Variants in POGLUT3 observed in about 807,000 individuals in gnomAD.
POGLUT3 encodes protein O-glucosyltransferase 3, also known as KDEL (Lys-Asp-Glu-Leu) containing 2.
A neutral mutation model predicts 54.3 loss-of-function variants in POGLUT3; 48 were observed. That is an observed-to-expected ratio of 0.88 (90% CI 0.70 to 1.12). POGLUT3 has a LOEUF of 1.12. POGLUT3 is among the 50% of genes most tolerant of loss of function. The pLI, the probability that POGLUT3 is intolerant of heterozygous loss-of-function variation, is 0.00. For missense variants in POGLUT3, 629 were observed against 618.7 expected (o/e 1.02, Z -0.18); for synonymous variants, 218 against 237.4 (o/e 0.92, Z 0.75).
intron 3 of POGLUT3, among the ~76,000 whole-genome samples, chr11:108,484,126 C>T (rs1475147444): frequency 6.6e-6 from 1 of 152,080 alleles, no homozygotes; most frequent in Admixed American, 6.6e-5. Context: ...GATGCTTACC[C>T]ACTAGATGAT....
intron 6 of POGLUT3, among the ~76,000 whole-genome samples, chr11:108,479,048 C>T (rs545299399): frequency 1.1e-4 from 17 of 152,288 alleles, no homozygotes; most frequent in African/African-American, 4.1e-4. Context: ...TATGTGTAAA[C>T]ATAGCATTTA....
In POGLUT3 at chr11:108,482,165, G is replaced by A. The variant is rs1343408860; in HGVS notation, c.742C>T (p.Arg248Ter). ...GGGCTAGGGGTTCCATTGACTTTTC[G>A]ATGCTCCAAGGGCCAATCTCCAAGA... Reference protein sequence around the residue: ...VNLGDWPLEHRKVNGTPSPIP... With the variant: ...VNLGDWPLEH The change falls in exon 4 of 8, where the codon CGA becomes TGA. Residue 248 changes from arginine (R) to a stop codon, truncating the protein, a stop_gained. Transcript: ENST00000323468. LOFTEE classifies it high-confidence loss of function. 5 of 1,614,082 alleles carry A rather than the reference G, an allele frequency of 3.1e-6. No individual in the cohort carries two copies. Among genetic ancestry groups the A allele is most frequent in the African/African-American group, 1.3e-5 (1 of 75,028 alleles).
Position 108,482,233 on chromosome 11 carries a change from A to G in POGLUT3, c.685-11T>C. On this transcript the variant is annotated splice_polypyrimidine_tract_variant and intron_variant, in intron 3 of 7. Coordinates refer to ENST00000323468, the MANE Select transcript of POGLUT3 (RefSeq NM_153705.5). ...ATCTGGGAGAAGGACCTAAATAAAC[A>G]TATAAACAAACATCAGTGCTGGGAA... is the stretch of plus-strand genomic sequence containing the variant. 6.3e-7 allele frequency: 1 copy of G among 1,584,744 alleles called. No homozygotes were observed. Among genetic ancestry groups the G allele is most frequent in the Non-Finnish European group, 8.7e-7 (1 of 1,154,366 alleles).
intron 3 of POGLUT3, among the ~76,000 whole-genome samples, chr11:108,485,636 T>TTTTTTTTA (rs1555183248): frequency 7.1e-5 from 10 of 140,322 alleles, no homozygotes; most frequent in African/African-American, 1.1e-4. Context: ...CTTTATTCTA[T>TTTTTTTTA]TTTATTTATT....
At chr11:108,485,947 C>A (rs377335218) in intron 3 of POGLUT3, among the ~76,000 whole-genome samples, 26 of 152,228 alleles carry the variant, frequency 1.7e-4, no homozygotes, top group African/African-American at 6.0e-4. Flanking sequence ...TATGAGCCAC[C>A]ATGCCTGGCC....
At chr11:108,479,099 T>C (rs991616624) in intron 6 of POGLUT3, among the ~76,000 whole-genome samples, 2 of 152,230 alleles carry the variant, frequency 1.3e-5, no homozygotes, top group East Asian at 3.8e-4. Context: ...TCAAATCTTC[T>C]GAAAATCTTC....
chr11:108,495,202 CA>C (rs1218712837), intron 1 of POGLUT3, among the ~76,000 whole-genome samples: 1 of 152,152 alleles, frequency 6.6e-6, no homozygotes, highest in Non-Finnish European at 1.5e-5. Flanking sequence ...TCCTCTTTTC[CA>C]ATTAGTTCTT....
chr11:108,474,860 G>A lies in POGLUT3; in HGVS notation c.1491C>T (p.Cys497=). Residue 497 remains cysteine, a synonymous_variant, in exon 8 of 8, where the codon TGC becomes TGT. Transcript: ENST00000323468. ...QPEDSTAICQ[C]HRKKPSREEL ...CTTCTCTTGAAGGCTTTTTCCTGTG[G>A]CACTGGCAGATGGCTGTGCTATCTT... 6.2e-7 allele frequency: 1 copy of A among 1,614,082 alleles called. No homozygotes were observed. The highest frequency in any genetic ancestry group is 8.5e-7 in the Non-Finnish European group (1 of 1,179,984).
At chr11:108,481,676 G>A (rs1347116184) in intron 4 of POGLUT3, among the ~76,000 whole-genome samples, 1 of 152,148 alleles carries the variant, frequency 6.6e-6, no homozygotes, top group African/African-American at 2.4e-5. Flanking sequence ...CGTGTATTCT[G>A]TTGTATAATA....
In POGLUT3 at chr11:108,479,400, T is replaced by A. The variant is rs748534397; in HGVS notation, c.1194A>T (p.Pro398=). 37 of 1,612,766 alleles carry A rather than the reference T, an allele frequency of 2.3e-5. No individual in the cohort carries two copies. The highest frequency in any genetic ancestry group is 3.1e-5 in the Non-Finnish European group (37 of 1,179,814). The change falls in exon 6 of 8, where the codon CCA becomes CCT. Residue 398 remains proline (P), a synonymous_variant. Coordinates refer to ENST00000323468, the MANE Select transcript of POGLUT3 (RefSeq NM_153705.5). ...GDSLVLKQDS[P]YYEHFYMALE... ...GTGCCATGTAGAAATGTTCATAATA[T>A]GGCGAGTCCTGCTTTAAAACCAGAC... is the stretch of plus-strand genomic sequence containing the variant.
At chr11:108,481,695 T>C (rs1001346270) in intron 4 of POGLUT3, among the ~76,000 whole-genome samples, 1 of 149,094 alleles carries the variant, frequency 6.7e-6, no homozygotes, top group Non-Finnish European at 1.5e-5. Flanking sequence ...TACTAGGAAA[T>C]ACCTGAAATA....
rs2093593546 is a variant in POGLUT3, at chr11:108,481,987, C to G, written c.901+19G>C. ...CTAAGCTTTTTCTTCATTAATTAGC[C>G]TTGCATTTCCCTGAATACCTGTATT... On this transcript the variant is annotated intron_variant, in intron 4 of 7. Transcript: ENST00000323468. 1 of 1,578,062 alleles carries G rather than the reference C, an allele frequency of 6.3e-7. No individual in the cohort carries two copies. Among genetic ancestry groups the G allele is most frequent in the South Asian group, 1.1e-5 (1 of 89,830 alleles).
At chr11:108,486,663 C>G in intron 2 of POGLUT3, 1 of 495,252 alleles carries the variant, frequency 2.0e-6, no homozygotes. Flanking sequence ...CCCAATCTAA[C>G]CTACTCTCGG....
At chr11:108,495,181 G>A (rs2093620072) in intron 1 of POGLUT3, among the ~76,000 whole-genome samples, 1 of 152,222 alleles carries the variant, frequency 6.6e-6, no homozygotes, top group Non-Finnish European at 1.5e-5. Flanking sequence ...GCTACAGCTT[G>A]AGAAGATTTT....
rs1329375821 is a variant in POGLUT3 at position 108,472,886 on chromosome 11, G to A, written c.*1941C>T. Reference sequence around the variant, plus strand: ...GGTTTTGCACAATGGATGGGTATTAGAGTTTGCCTTGGATACTTGGCATTG... The same window carrying A: ...GGTTTTGCACAATGGATGGGTATTAAAGTTTGCCTTGGATACTTGGCATTG... On this transcript the variant is annotated 3_prime_UTR_variant, in exon 8 of 8. Transcript: ENST00000323468. 2.0e-5 allele frequency: 3 copies of A among 152,138 alleles called. No individual in the cohort carries two copies. The highest frequency in any genetic ancestry group is 7.2e-5 in the African/African-American group (3 of 41,432). 9.4% of individuals were successfully genotyped at this position (152,138 alleles called of 1,614,324 possible). A position where few individuals can be genotyped will look rare whatever the true frequency, so the allele number is the denominator to read the frequency against.
At chr11:108,485,802 C>T (rs1046297839) in intron 3 of POGLUT3, among the ~76,000 whole-genome samples, 57 of 152,092 alleles carry the variant, frequency 3.7e-4, no homozygotes, top group Non-Finnish European at 1.6e-4. Flanking sequence ...TGATTACAGG[C>T]GCCCACCACC....
At chr11:108,486,696 T>A (rs768984563) in intron 2 of POGLUT3, 32 of 443,516 alleles carry the variant, frequency 7.2e-5, no homozygotes, top group Non-Finnish European at 1.2e-4. Flanking sequence ...TAAATTCATC[T>A]CTAATAAGGT....
rs1390653981 is a variant in POGLUT3, at chr11:108,486,349, T to G, written c.492A>C (p.Ala164=). 1 of 1,614,060 alleles carries G rather than the reference T, an allele frequency of 6.2e-7. No individual in the cohort carries two copies. The highest frequency in any genetic ancestry group is 8.5e-7 in the Non-Finnish European group (1 of 1,180,028). Residue 164 remains alanine, a synonymous_variant, in exon 3 of 8, where the codon GCA becomes GCC. Transcript: ENST00000323468. ...TGCTGGGAAAGGAAGCAAAATCTTTTGCAATCTGTGGTTCCTTGGTTGGAC... is the reference window on the plus strand; with the variant it reads ...TGCTGGGAAAGGAAGCAAAATCTTTGGCAATCTGTGGTTCCTTGGTTGGAC... ...LSCPTKEPQI[A]KDFASFPSIN...
intron 3 of POGLUT3, 149 bp downstream of exon 3, chr11:108,486,008 G>C: frequency 1.5e-6 from 1 of 654,824 alleles, no homozygotes; most frequent in Non-Finnish European, 2.6e-6. Context: ...CACAAAGATG[G>C]AGAACATGAT....
Sources: allele counts gnomAD v4.1 joint callset (sites outside exome capture counted in the v4.1 genomes callset), GRCh38; gene constraint gnomAD v4.1.1; transcripts MANE v1.5; gene names NCBI Gene and HGNC (gene_info 2026-07-23, HGNC 2026-07-21).